STK31: variants seen among roughly 807,000 people sequenced by gnomAD.
STK31 encodes serine/threonine kinase 31.
A neutral mutation model predicts 129.7 loss-of-function variants in STK31; 89 were observed. The observed-to-expected ratio is 0.69, with a 90% CI of 0.58 to 0.82. The LOEUF is 0.82. STK31 is among the 40% of genes least tolerant of loss of function. The probability of loss-of-function intolerance (pLI) is 0.00; values close to 1 mark genes in which losing one functional copy is unlikely to be tolerated. For missense variants in STK31, 1,187 were observed against 1,176.4 expected, an observed-to-expected ratio of 1.01 and a Z score of -0.13; for synonymous variants, 448 against 395.3, an observed-to-expected ratio of 1.13 and a Z score of -1.58.
At chr7:23,818,659 C>T (rs73086958) in intron 23 of STK31, among the ~76,000 whole-genome samples, 22,418 of 149,154 alleles carry the variant, frequency 0.15, 1,779 homozygotes, top group East Asian at 0.22. Flanking sequence ...AAATAAAGTC[C>T]GAAGTCCCAG....
chr7:23,751,768 G>T (rs1261372796), intron 8 of STK31, among the ~76,000 whole-genome samples: 1 of 152,084 alleles, frequency 6.6e-6, no homozygotes, highest in African/African-American at 2.4e-5. Context: ...ATTTAGAATT[G>T]TTGGATCTTT....
intron 7 of STK31, 95 bp from the exon 8 acceptor site, chr7:23,736,809 T>C (rs1787745260): frequency 2.1e-6 from 2 of 962,094 alleles, no homozygotes; most frequent in East Asian, 5.8e-5. Context: ...CTTTCAGATA[T>C]ATTGTGGCAT....
In STK31 at chr7:23,781,435, G is replaced by C; in HGVS notation, c.1982G>C (p.Gly661Ala). ...TGATTCAAGTCAGATGATCCTGATG[G>C]CTCTCAAATTGAGAAAATAAAAGAA... ...SNLEESDDPD[G>A]SQIEKIKEEI... The change falls in exon 16 of 24, where the codon GGC (glycine) becomes GCC (alanine). Residue 661 changes from glycine (G) to alanine (A), a missense_variant. By Grantham distance (60) the Gly-to-Ala change is moderately conservative. Transcript: ENST00000355870. The C allele has an allele frequency of 1.2e-6, 2 of 1,609,968 alleles. No homozygotes were observed. Among genetic ancestry groups the C allele is most frequent in the Non-Finnish European group, 1.7e-6 (2 of 1,178,558 alleles).
chr7:23,809,054 A>C (rs1262170942), intron 22 of STK31, among the ~76,000 whole-genome samples: 1 of 151,356 alleles, frequency 6.6e-6, no homozygotes, highest in African/African-American at 2.4e-5. Flanking sequence ...AAGCCCAGGG[A>C]ACTCACCATT....
intron 15 of STK31, among the ~76,000 whole-genome samples, chr7:23,777,518 T>C (rs1790632833): frequency 6.6e-6 from 1 of 152,214 alleles, no homozygotes; most frequent in African/African-American, 2.4e-5. Flanking sequence ...GCTCCTGTAT[T>C]GGGTGCATAT....
chr7:23,726,928 T>A (rs958394214), intron 4 of STK31, among the ~76,000 whole-genome samples: 2 of 152,162 alleles, frequency 1.3e-5, no homozygotes, highest in African/African-American at 4.8e-5. Flanking sequence ...TGATTTTAAG[T>A]GTTTGATGCT....
chr7:23,793,915 C>T (rs1400936567), intron 22 of STK31, among the ~76,000 whole-genome samples: 1 of 152,036 alleles, frequency 6.6e-6, no homozygotes, highest in Non-Finnish European at 1.5e-5. Context: ...TATGTCCACA[C>T]AAAGATTTGT....
At chr7:23,761,561 C>T (rs1789463178) in intron 10 of STK31, among the ~76,000 whole-genome samples, 1 of 151,832 alleles carries the variant, frequency 6.6e-6, no homozygotes, top group Admixed American at 6.6e-5. Flanking sequence ...GCTGGGACTA[C>T]AGGCGCCTGC....
intron 22 of STK31, among the ~76,000 whole-genome samples, chr7:23,794,092 A>G (rs1196296212): frequency 6.6e-6 from 1 of 152,186 alleles, no homozygotes; most frequent in Non-Finnish European, 1.5e-5. Flanking sequence ...AAGATAGGTG[A>G]GTCTTAAAAT....
At chr7:23,823,715 G>T (rs1414318067) in intron 23 of STK31, among the ~76,000 whole-genome samples, 1 of 152,156 alleles carries the variant, frequency 6.6e-6, no homozygotes. Context: ...TTCTTCTAGG[G>T]TTTTTATAGT....
At chr7:23,786,053 A>T (rs1416538272) in intron 18 of STK31, among the ~76,000 whole-genome samples, 2 of 152,090 alleles carry the variant, frequency 1.3e-5, no homozygotes, top group African/African-American at 2.4e-5. Flanking sequence ...AAAAAAAAAT[A>T]AAGTTTCCCT....
At chr7:23,829,310 T>A (rs576802179) in intron 23 of STK31, among the ~76,000 whole-genome samples, 1 of 152,240 alleles carries the variant, frequency 6.6e-6, no homozygotes, top group South Asian at 2.1e-4. Flanking sequence ...ATATACCTAG[T>A]TTGTTGAGAG....
At chr7:23,785,733 G>A (rs1334145593) in intron 18 of STK31, 130 bp downstream of exon 18, 2 of 1,221,282 alleles carry the variant, frequency 1.6e-6, no homozygotes, top group Non-Finnish European at 2.2e-6. Context: ...CATGATAATT[G>A]TGCTTGTAGT....
chr7:23,767,611 AAG>A (rs1341879486), intron 11 of STK31, among the ~76,000 whole-genome samples: 1 of 152,178 alleles, frequency 6.6e-6, no homozygotes, highest in African/African-American at 2.4e-5. Flanking sequence ...AAGTGAAGGA[AAG>A]AGAATGGTCA....
Position 23,785,500 on chromosome 7 carries a change from T to C in STK31, c.2171T>C (p.Met724Thr), listed in dbSNP as rs1461508841. 2 of 1,613,776 alleles carry C rather than the reference T, an allele frequency of 1.2e-6. No homozygotes were observed. Among genetic ancestry groups the C allele is most frequent in the Non-Finnish European group, 1.7e-6 (2 of 1,179,758 alleles). The change falls in exon 18 of 24, where the codon ATG becomes ACG. Residue 724 changes from methionine (M) to threonine (T), a missense_variant. Met to Thr is a moderately conservative substitution (Grantham distance 81, BLOSUM62 -1). Around this residue, in one of 5 missense-constraint regions of STK31, gnomAD observed 975 missense variants for 934.9 expected, o/e 1.04. Transcript: ENST00000355870. ...KYMNSGGLLT[M>T]SLERDLLDAE... The stretch of plus-strand genomic sequence containing the variant: ...TAGAACTCTGGTGGTCTCCTTACAA[T>C]GAGCTTGGAACGAGATCTTCTTGAT...
At chr7:23,779,728 G>A (rs940968162) in intron 15 of STK31, among the ~76,000 whole-genome samples, 1 of 152,204 alleles carries the variant, frequency 6.6e-6, no homozygotes, top group African/African-American at 2.4e-5. Flanking sequence ...AGACTGCCAT[G>A]CTGGCAGTGA....
chr7:23,714,975 T>A (rs1786211636), intron 3 of STK31, among the ~76,000 whole-genome samples: 1 of 152,348 alleles, frequency 6.6e-6, no homozygotes, highest in Admixed American at 6.5e-5. Context: ...ACCTCTGAGT[T>A]AAACCATGAA....
At chr7:23,803,223 G>T (rs1792489230) in intron 22 of STK31, among the ~76,000 whole-genome samples, 1 of 152,044 alleles carries the variant, frequency 6.6e-6, no homozygotes, top group African/African-American at 2.4e-5. Context: ...AGCACATAGT[G>T]TAAAATATAT....
intron 6 of STK31, among the ~76,000 whole-genome samples, chr7:23,730,375 AC>A (rs1435597032): frequency 6.6e-6 from 1 of 152,202 alleles, no homozygotes; most frequent in African/African-American, 2.4e-5. Context: ...CTTATAAAAA[AC>A]ATTTCTGTAC....
Sources: gnomAD v4.1 joint callset for allele counts (sites outside exome capture counted in the v4.1 genomes callset) on GRCh38, gnomAD v4.1.1 for gene constraint, gnomAD v4.1.1 regional missense constraint, MANE v1.5 for transcripts, NCBI Gene and HGNC (gene_info 2026-07-23, HGNC 2026-07-21) for gene names.